The following B3GALT1 variants were observed in gnomAD, a reference collection of about 807,000 sequenced individuals.
B3GALT1 encodes UDP-Gal:betaGlcNAc beta 1,3-galactosyltransferase, polypeptide 1.
B3GALT1 carries 10 observed loss-of-function variants against 23.2 expected under a neutral mutation model. The observed-to-expected ratio is 0.43, with a 90% CI of 0.27 to 0.73. The LOEUF is 0.73. Among genes scored for constraint, B3GALT1 ranks in the 30% least tolerant of loss-of-function variants. B3GALT1 has a pLI of 0.21. For missense variants in B3GALT1, 299 were observed against 405.4 expected, an observed-to-expected ratio of 0.74 and a Z score of 2.25; for synonymous variants, 156 against 141.5, an observed-to-expected ratio of 1.10 and a Z score of -0.73.
intron 1 of B3GALT1, among the ~76,000 whole-genome samples, chr2:167,455,364 C>T (rs1045217077): frequency 6.6e-6 from 1 of 152,058 alleles, no homozygotes; most frequent in Non-Finnish European, 1.5e-5. Context: ...GGGAATGAGC[C>T]CATTCCTTAC....
chr2:167,366,473 G>A (rs1005080190), intron 1 of B3GALT1, among the ~76,000 whole-genome samples: 1 of 152,102 alleles, frequency 6.6e-6, no homozygotes, highest in Admixed American at 6.6e-5. Flanking sequence ...AACACCAATA[G>A]CCAAGCAACC....
chr2:167,506,498 G>A (rs775668468), intron 2 of B3GALT1, among the ~76,000 whole-genome samples: 1 of 152,186 alleles, frequency 6.6e-6, no homozygotes, highest in South Asian at 2.1e-4. Flanking sequence ...TAGGAAACTC[G>A]ATGAGCTGAT....
intron 1 of B3GALT1, among the ~76,000 whole-genome samples, chr2:167,482,375 A>G (rs1699572823): frequency 6.6e-6 from 1 of 152,246 alleles, no homozygotes; most frequent in South Asian, 2.1e-4. Context: ...GGAAGTAAGT[A>G]TGAATTAAAG....
chr2:167,454,308 G>A (rs1699135685), intron 1 of B3GALT1, among the ~76,000 whole-genome samples: 1 of 152,178 alleles, frequency 6.6e-6, no homozygotes, highest in African/African-American at 2.4e-5. Flanking sequence ...AGCTTGGTTT[G>A]GAACAGTAGG....
At chr2:167,543,883 C>T (rs1306345663) in intron 2 of B3GALT1, among the ~76,000 whole-genome samples, 1 of 152,154 alleles carries the variant, frequency 6.6e-6, no homozygotes. Context: ...GAATTATTTT[C>T]CTTACATAAC....
intron 2 of B3GALT1, among the ~76,000 whole-genome samples, chr2:167,641,314 A>G (rs751869568): frequency 2.0e-5 from 3 of 151,930 alleles, no homozygotes; most frequent in Non-Finnish European, 4.4e-5. Context: ...CACTTCATTC[A>G]CTCCAAGTGC....
intron 1 of B3GALT1, among the ~76,000 whole-genome samples, chr2:167,463,200 A>G (rs1410339518): frequency 6.6e-6 from 1 of 152,024 alleles, no homozygotes; most frequent in Non-Finnish European, 1.5e-5. Flanking sequence ...TTCTCTCACT[A>G]TCTTCTTATC....
intron 2 of B3GALT1, among the ~76,000 whole-genome samples, chr2:167,603,379 G>T (rs1229554081): frequency 1.3e-5 from 2 of 152,116 alleles, no homozygotes; most frequent in Non-Finnish European, 2.9e-5. Context: ...CATAATATTA[G>T]GAAATTCAGC....
At chr2:167,710,493 G>C (rs1687031083) in intron 3 of B3GALT1, among the ~76,000 whole-genome samples, 1 of 152,228 alleles carries the variant, frequency 6.6e-6, no homozygotes, top group African/African-American at 2.4e-5. Flanking sequence ...GGAAGTTTCT[G>C]TTAGGAGTTT....
At chr2:167,585,682 A>T (rs551799280) in intron 2 of B3GALT1, among the ~76,000 whole-genome samples, 1 of 152,352 alleles carries the variant, frequency 6.6e-6, no homozygotes, top group East Asian at 1.9e-4. Flanking sequence ...TTCTAAATTT[A>T]TACCCAATAT....
At chr2:167,366,999 C>T (rs60409043) in intron 1 of B3GALT1, among the ~76,000 whole-genome samples, 4 of 152,234 alleles carry the variant, frequency 2.6e-5, no homozygotes, top group East Asian at 1.9e-4. Context: ...GGTTAAATAT[C>T]GTCACAGGCC....
At chr2:167,376,767 C>G (rs986644157) in intron 1 of B3GALT1, among the ~76,000 whole-genome samples, 1 of 151,894 alleles carries the variant, frequency 6.6e-6, no homozygotes, top group Non-Finnish European at 1.5e-5. Context: ...GTCTATCAAT[C>G]TTGTTTATCC....
intron 1 of B3GALT1, among the ~76,000 whole-genome samples, chr2:167,309,443 G>A (rs1052207534): frequency 1.3e-5 from 2 of 151,920 alleles, no homozygotes; most frequent in African/African-American, 4.8e-5. Context: ...TACTTCTTTG[G>A]TATTATTCTA....
At chr2:167,337,080 G>C (rs532468555) in intron 1 of B3GALT1, among the ~76,000 whole-genome samples, 23 of 152,154 alleles carry the variant, frequency 1.5e-4, no homozygotes, top group South Asian at 6.2e-4. Flanking sequence ...GGGCTGGTTA[G>C]AGCAAGATCA....
intron 3 of B3GALT1, among the ~76,000 whole-genome samples, chr2:167,790,079 A>T (rs545738190): frequency 3.2e-4 from 49 of 152,272 alleles, no homozygotes; most frequent in African/African-American, 1.1e-3. Flanking sequence ...TGTTTATTTC[A>T]TCAGACTATC....
chr2:167,379,172 G>A (rs986714107), intron 1 of B3GALT1, among the ~76,000 whole-genome samples: 1 of 152,072 alleles, frequency 6.6e-6, no homozygotes, highest in Non-Finnish European at 1.5e-5. Flanking sequence ...TAAGGGGGCA[G>A]GAAGGAGAAT....
At position 167,818,791 on chromosome 2, in the gene B3GALT1, C is replaced by T. The variant is rs1689047534; in HGVS notation, c.-232C>T. On this transcript the variant is annotated splice_region_variant and 5_prime_UTR_variant, in exon 4 of 5. Transcript: ENST00000392690. ...GGAAAACACAGCACGCTGGAGCCAA[C>T]AGGTAGGCGAGAAACCAGGTAGGCG... is the stretch of plus-strand genomic sequence containing the variant. Among the ~76,000 whole-genome samples the T allele has an allele frequency of 6.6e-6, 1 of 151,968 alleles. No homozygotes were observed. The highest frequency in any genetic ancestry group is 2.1e-4 in the South Asian group (1 of 4,828).
chr2:167,561,586 A>G (rs1683990644), intron 2 of B3GALT1, among the ~76,000 whole-genome samples: 1 of 152,206 alleles, frequency 6.6e-6, no homozygotes, highest in Non-Finnish European at 1.5e-5. Context: ...AAAAGAGAGA[A>G]GAATCAAATA....
In B3GALT1 at chr2:167,714,926, T is replaced by C. The variant is rs1051424366; in HGVS notation, c.-352+67960T>C. 3 of 1,611,480 alleles carry C rather than the reference T, an allele frequency of 1.9e-6. No homozygotes were observed. The African/African-American group carries it at 4.0e-5, about 22-fold the overall frequency. Reference sequence around the variant, plus strand: ...TAGTTCAGTCATTATTTTAAGTTTCTGTTGAAGCTTCTGATTCTCACTTTC... The same window carrying C: ...TAGTTCAGTCATTATTTTAAGTTTCCGTTGAAGCTTCTGATTCTCACTTTC... On this transcript the variant is annotated intron_variant, in intron 3 of 4. Coordinates refer to ENST00000392690, the MANE Select transcript of B3GALT1 (RefSeq NM_020981.4).
Sources: gnomAD v4.1 joint callset for allele counts (sites outside exome capture counted in the v4.1 genomes callset) on GRCh38, gnomAD v4.1.1 for gene constraint, MANE v1.5 for transcripts, NCBI Gene and HGNC (gene_info 2026-07-23, HGNC 2026-07-21) for gene names.